The following AEBP2 variants were observed in gnomAD, a reference collection of about 807,000 sequenced individuals.
The protein encoded by AEBP2 is zinc finger protein AEBP2.
Under a neutral mutation model 50.8 loss-of-function variants are expected in AEBP2, and 10 were observed. The ratio of observed to expected loss-of-function variants is 0.20; its 90% CI spans 0.12 to 0.33. AEBP2 has a LOEUF of 0.33. Ranked by LOEUF, AEBP2 falls within the 10% of genes least tolerant of loss-of-function variation. The pLI, the probability that AEBP2 is intolerant of heterozygous loss-of-function variation, is 1.00. For synonymous variants in AEBP2, 296 were observed against 261.3 expected (o/e 1.13, Z -1.28); for missense variants, 570 against 688.0 (o/e 0.83, Z 1.92).
At position 19,440,122 on chromosome 12, in the gene AEBP2, C is replaced by T. The variant is rs1260937921; in HGVS notation, c.423C>T (p.Ser141=). The T allele has an allele frequency of 2.0e-6, 3 of 1,504,082 alleles. No homozygotes were observed. Among genetic ancestry groups the T allele is most frequent in the East Asian group, 2.7e-5 (1 of 36,936 alleles). 93.2% of individuals were successfully genotyped at this position (1,504,082 alleles called of 1,614,324 possible). A position where few individuals can be genotyped will look rare whatever the true frequency, so the allele number is the denominator to read the frequency against. The change falls in exon 1 of 8, where the codon AGC becomes AGT. Residue 141 remains serine (S), a synonymous_variant. Coordinates refer to ENST00000266508, the MANE Select transcript of AEBP2 (RefSeq NM_153207.5). Reference sequence around the variant, plus strand: ...GCAGCGACGAGACCCGCTCGTTGAGCCCCGGCGCCGCCAGCAGCAGCAGCG... The same window carrying T: ...GCAGCGACGAGACCCGCTCGTTGAGTCCCGGCGCCGCCAGCAGCAGCAGCG... ...GSSSDETRSL[S]PGAASSSSGD...
At chr12:19,487,899 G>GA (rs2120403620) in intron 3 of AEBP2, among the ~76,000 whole-genome samples, 1 of 152,182 alleles carries the variant, frequency 6.6e-6, no homozygotes, top group South Asian at 2.1e-4. Context: ...TGCAATTGGT[G>GA]AAAAAAGTTG....
chr12:19,509,019 G>T, intron 5 of AEBP2: 1 of 566,248 alleles, frequency 1.8e-6, no homozygotes, highest in South Asian at 1.5e-5. Context: ...AAGAACGTTG[G>T]GAAAGCACCA....
intron 3 of AEBP2, among the ~76,000 whole-genome samples, chr12:19,483,799 A>G (rs1020717530): frequency 3.3e-5 from 5 of 152,224 alleles, no homozygotes; most frequent in Non-Finnish European, 5.9e-5. Context: ...AAATAGTGCT[A>G]TAGTGATGAA....
intron 3 of AEBP2, among the ~76,000 whole-genome samples, chr12:19,485,925 G>A (rs1417883156): frequency 6.7e-6 from 1 of 148,310 alleles, no homozygotes; most frequent in Non-Finnish European, 1.5e-5. Context: ...AAGTGATAAG[G>A]TGATGTTTGA....
At chr12:19,498,923 A>T (rs1949025358) in intron 4 of AEBP2, among the ~76,000 whole-genome samples, 1 of 152,120 alleles carries the variant, frequency 6.6e-6, no homozygotes. Flanking sequence ...AGACAGGAGG[A>T]TTACTTGAGC....
At chr12:19,439,179 C>G (rs184242339), upstream of AEBP2, among the ~76,000 whole-genome samples, 4 of 152,292 alleles carry the variant, frequency 2.6e-5, no homozygotes, top group East Asian at 7.7e-4. Context: ...ACTGTAGGCT[C>G]GTTCTATTCC....
At chr12:19,454,039 C>T (rs61912767) in intron 1 of AEBP2, among the ~76,000 whole-genome samples, 12,403 of 152,008 alleles carry the variant, frequency 0.082, 572 homozygotes, top group South Asian at 0.19. Context: ...GTCTCCATGT[C>T]TCCATGTGTA....
At chr12:19,415,334 A>C (rs1314059234) in intron 1 of AEBP2, among the ~76,000 whole-genome samples, 7 of 43,566 alleles carry the variant, frequency 1.6e-4, no homozygotes, top group African/African-American at 5.4e-4. Flanking sequence ...AAAAAAAAAA[A>C]AAAAAAAAAA....
intron 1 of AEBP2, among the ~76,000 whole-genome samples, chr12:19,415,780 A>C (rs1334045563): frequency 1.3e-5 from 2 of 152,128 alleles, no homozygotes; most frequent in Non-Finnish European, 2.9e-5. Context: ...CCTGTAACCC[A>C]CACCCATGGC....
chr12:19,420,328 A>ATT (rs780103252), intron 1 of AEBP2, among the ~76,000 whole-genome samples: 3,441 of 76,504 alleles, frequency 0.045, 239 homozygotes, highest in East Asian at 0.06. Context: ...TGTGCTGACC[A>ATT]TTTTTTTTTT....
rs766198688 is a variant in AEBP2, at chr12:19,493,887, T to A, written c.1075T>A (p.Ser359Thr). The A allele has an allele frequency of 6.2e-7, 1 of 1,613,852 alleles. No homozygotes were observed. The change falls in exon 4 of 8, where the codon TCA becomes ACA. Residue 359 changes from serine to threonine, a missense_variant. Transcript: ENST00000266508. ...VPTHFSQQNS[S>T]KVSSQPKAKE... ...CACACACTTCAGTCAGCAGAACTCC[T>A]CAAAAGTTTCTAGCCAGCCAAAGGC...
upstream of AEBP2, among the ~76,000 whole-genome samples, chr12:19,436,587 CTTTTT>C (rs111566734): frequency 7.1e-6 from 1 of 139,924 alleles, no homozygotes; most frequent in East Asian, 2.1e-4. Context: ...TTTCTTTTTT[CTTTTT>C]TTTTTGGGGG....
intron 1 of AEBP2, among the ~76,000 whole-genome samples, chr12:19,432,215 G>A (rs1034084024): frequency 6.6e-6 from 1 of 152,074 alleles, no homozygotes; most frequent in African/African-American, 2.4e-5. Flanking sequence ...CAAATCTGTC[G>A]CCAGTCTAGG....
upstream of AEBP2, among the ~76,000 whole-genome samples, chr12:19,435,652 T>C (rs574877041): frequency 2.6e-5 from 4 of 152,314 alleles, no homozygotes; most frequent in South Asian, 8.3e-4. Context: ...TGTTGATGCT[T>C]TTCCGTATAT....
intron 5 of AEBP2, chr12:19,509,248 A>T (rs796263660): frequency 2.4e-4 from 79 of 324,718 alleles, no homozygotes; most frequent in African/African-American, 1.6e-3. Context: ...AGAGTCAGCT[A>T]AATTGAAAAA....
chr12:19,474,793 G>GT (rs11438547), intron 3 of AEBP2, among the ~76,000 whole-genome samples: 118,823 of 150,744 alleles, frequency 0.79, 47,190 homozygotes, highest in African/African-American at 0.81. Context: ...AATTTGAATA[G>GT]TTTTTTTTTC....
chr12:19,459,014 A>G (rs187406682), intron 1 of AEBP2, among the ~76,000 whole-genome samples: 79 of 152,302 alleles, frequency 5.2e-4, no homozygotes, highest in Admixed American at 3.1e-3. Context: ...AGATTGTTCC[A>G]TATCACATTG....
chr12:19,432,187 C>T (rs191952572), intron 1 of AEBP2, among the ~76,000 whole-genome samples: 4 of 152,220 alleles, frequency 2.6e-5, no homozygotes, highest in African/African-American at 9.6e-5. Context: ...ACAAATGCAG[C>T]GTGGGGTAGC....
chr12:19,460,112 G>A (rs1287629618), intron 1 of AEBP2, among the ~76,000 whole-genome samples: 1 of 152,140 alleles, frequency 6.6e-6, no homozygotes, highest in Non-Finnish European at 1.5e-5. Flanking sequence ...AGGAGGCTGA[G>A]GTGGGAGGAT....
Sources: allele counts gnomAD v4.1 joint callset (sites outside exome capture counted in the v4.1 genomes callset), GRCh38; gene constraint gnomAD v4.1.1; transcripts MANE v1.5; gene names NCBI Gene and HGNC (gene_info 2026-07-23, HGNC 2026-07-21).